The following PCDHA8 variants were observed in gnomAD, a reference collection of about 807,000 sequenced individuals.
The protein encoded by PCDHA8 is protocadherin alpha 8.
PCDHA8 carries 53 observed loss-of-function variants against 61.8 expected under a neutral mutation model. The ratio of observed to expected loss-of-function variants is 0.86; its 90% confidence interval spans 0.69 to 1.08. The LOEUF (loss-of-function observed/expected upper bound fraction) is 1.08. Among genes scored for constraint, PCDHA8 ranks in the 50% least tolerant of loss-of-function variants. PCDHA8 has a pLI of 0.00. For missense variants in PCDHA8, 1,293 were observed against 1,245.0 expected (o/e 1.04, Z -0.58); for synonymous variants, 618 against 556.6 (o/e 1.11, Z -1.55).
chr5:140,850,117 G>T, intron 1 of PCDHA8: 2 of 1,596,096 alleles, frequency 1.3e-6, no homozygotes, highest in Non-Finnish European at 1.7e-6. Flanking sequence ...CGCGACGCGG[G>T]CGTGCCGCCT....
intron 1 of PCDHA8, chr5:140,869,346 T>G (rs781810947): frequency 4.3e-6 from 7 of 1,613,936 alleles, no homozygotes; most frequent in East Asian, 2.2e-5. Flanking sequence ...ATCTGCAGAA[T>G]GGCATTTTGT....
At chr5:140,877,946 C>G in intron 1 of PCDHA8, 1 of 1,349,558 alleles carries the variant, frequency 7.4e-7, no homozygotes, top group South Asian at 1.7e-5. Context: ...TTTAAACTAT[C>G]GAATGTCTCA....
intron 1 of PCDHA8, among the ~76,000 whole-genome samples, chr5:140,945,772 T>A (rs538344111): frequency 1.2e-4 from 18 of 152,228 alleles, no homozygotes; most frequent in African/African-American, 4.1e-4. Context: ...GACAATTTGA[T>A]ATCCAGATGC....
intron 1 of PCDHA8, among the ~76,000 whole-genome samples, chr5:140,891,739 C>T (rs1433506044): frequency 4.6e-5 from 7 of 152,116 alleles, no homozygotes; most frequent in Non-Finnish European, 2.9e-5. Flanking sequence ...AATTCAATCC[C>T]TTATACAACA....
At chr5:140,942,618 G>A (rs2093340526) in intron 1 of PCDHA8, among the ~76,000 whole-genome samples, 1 of 97,740 alleles carries the variant, frequency 1.0e-5, no homozygotes. Context: ...TTTGCCAATT[G>A]TAAAAAAAAA....
intron 1 of PCDHA8, among the ~76,000 whole-genome samples, chr5:140,924,232 G>T (rs1554201826): frequency 6.6e-6 from 1 of 152,180 alleles, no homozygotes; most frequent in African/African-American, 2.4e-5. Flanking sequence ...ATTTTTATGG[G>T]CTGTTTTGCA....
chr5:140,875,506 C>A, intron 1 of PCDHA8: 1 of 1,613,618 alleles, frequency 6.2e-7, no homozygotes, highest in Non-Finnish European at 8.5e-7. Flanking sequence ...CCCGGGATCC[C>A]AGCGTCTGCT....
intron 1 of PCDHA8, chr5:140,848,723 G>T (rs2150418763): frequency 6.3e-7 from 1 of 1,592,604 alleles, no homozygotes; most frequent in South Asian, 1.1e-5. Context: ...ACCTTCTGGA[G>T]GTAAATCTGC....
intron 1 of PCDHA8, chr5:140,876,304 TCCTATGGGATC>T (rs1173311877): frequency 1.9e-6 from 3 of 1,613,956 alleles, no homozygotes; most frequent in Non-Finnish European, 2.5e-6. Context: ...TGGAGAAATT[TCCTATGGGATC>T]AAAATGATTT....
At chr5:140,919,545 T>C (rs572558911) in intron 1 of PCDHA8, among the ~76,000 whole-genome samples, 15 of 152,314 alleles carry the variant, frequency 9.8e-5, no homozygotes, top group African/African-American at 3.6e-4. Flanking sequence ...ACTTTTCATT[T>C]ACTGATTTAT....
chr5:140,870,344 G>C, intron 1 of PCDHA8: 1 of 1,614,196 alleles, frequency 6.2e-7, no homozygotes, highest in Non-Finnish European at 8.5e-7. Flanking sequence ...GCCCTGGACC[G>C]CGAGAACGTG....
chr5:140,857,951 G>A (rs569786768), intron 1 of PCDHA8: 8 of 1,597,390 alleles, frequency 5.0e-6, no homozygotes, highest in East Asian at 4.5e-5. Flanking sequence ...TACGACGCGC[G>A]CTCTGGATGA....
chr5:140,928,571 C>T (rs369670852), intron 1 of PCDHA8: 1 of 1,614,180 alleles, frequency 6.2e-7, no homozygotes, highest in East Asian at 2.2e-5. Context: ...TTTCCCTTGC[C>T]CAGAAATGGT....
At position 140,842,876 on chromosome 5, in the gene PCDHA8, G is replaced by C. The variant is rs78119592; in HGVS notation, c.1555G>C (p.Ala519Pro). The change falls in exon 1 of 4, where the codon GCG becomes CCG. Residue 519 changes from alanine (A) to proline (P), a missense_variant. Coordinates refer to ENST00000531613, the MANE Select transcript of PCDHA8 (RefSeq NM_018911.3). Reference protein sequence around the residue: ...SVHTESGKVYALQPLDHEELE... With the variant: ...SVHTESGKVYPLQPLDHEELE... ...GCACACGGAGAGCGGCAAGGTGTAC[G>C]CGCTGCAGCCGCTGGACCACGAGGA... The C allele has an allele frequency of 5.6e-6, 9 of 1,593,878 alleles. 1 individual carries two copies. Among genetic ancestry groups the C allele is most frequent in the Non-Finnish European group, 7.7e-6 (9 of 1,165,430 alleles).
At chr5:140,882,936 C>T (rs782513929) in intron 1 of PCDHA8, 5 of 1,614,082 alleles carry the variant, frequency 3.1e-6, no homozygotes, top group Non-Finnish European at 4.2e-6. Flanking sequence ...CCCGAGCTGA[C>T]TGGCACAGTT....
At chr5:140,926,438 G>A (rs2083248814) in intron 1 of PCDHA8, 1 of 154,646 alleles carries the variant, frequency 6.5e-6, no homozygotes, top group African/African-American at 2.4e-5. Flanking sequence ...TTAAGATCTG[G>A]GCAGCCTCAG....
chr5:140,897,080 A>AT lies in PCDHA8; in HGVS notation c.2394+53371dup, dbSNP rs201233181. The stretch of plus-strand genomic sequence containing the variant: ...ATACTATGTCTTATTCATTTTTTCT[A>AT]TTTTTTATCCTCATTAAAAATCTCC... On this transcript the variant is annotated intron_variant, in intron 1 of 3. Transcript: ENST00000531613. 8.0e-3 allele frequency among the ~76,000 whole-genome samples: 1,212 copies of AT among 152,020 alleles called. 6 individuals carry two copies. Among genetic ancestry groups the AT allele is most frequent in the African/African-American group, 0.019 (783 of 41,452 alleles).
At chr5:140,966,818 C>T in intron 1 of PCDHA8, 1 of 1,554,294 alleles carries the variant, frequency 6.4e-7, no homozygotes, top group Admixed American at 1.9e-5. Flanking sequence ...ACGGCTCCGG[C>T]GGCCCATGCC....
At chr5:140,928,927 G>T (rs1359556123) in intron 1 of PCDHA8, 1 of 1,613,982 alleles carries the variant, frequency 6.2e-7, no homozygotes, top group Non-Finnish European at 8.5e-7. Context: ...GCAGCTTTCT[G>T]CCCAGAACTT....
Sources: gnomAD v4.1 joint callset for allele counts (sites outside exome capture counted in the v4.1 genomes callset) on GRCh38, gnomAD v4.1.1 for gene constraint, MANE v1.5 for transcripts, NCBI Gene and HGNC (gene_info 2026-07-23, HGNC 2026-07-21) for gene names.